Variants in ACBD6 observed in about 807,000 individuals in gnomAD.
ACBD6 encodes acyl-CoA binding domain containing 6.
ACBD6 carries 28 observed loss-of-function variants against 37.2 expected under a neutral mutation model. That is an observed-to-expected ratio of 0.75 (90% CI 0.56 to 1.03). ACBD6 has a LOEUF of 1.03. Ranked by LOEUF, ACBD6 falls within the 50% of genes least tolerant of loss-of-function variation. The pLI, the probability that ACBD6 is intolerant of heterozygous loss-of-function variation, is 0.00. For synonymous variants in ACBD6, 113 were observed against 126.8 expected (o/e 0.89, Z 0.73); for missense variants, 340 against 337.4 (o/e 1.01, Z -0.06).
intron 9 of ACBD6, chr1:180,277,730 T>C (rs1649119695): frequency 6.6e-6 from 1 of 152,320 alleles, no homozygotes; most frequent in Admixed American, 6.5e-5. Flanking sequence ...CTTTCTTGTC[T>C]CATCTGACAG....
intron 1 of ACBD6, among the ~76,000 whole-genome samples, chr1:180,496,246 G>A (rs926585106): frequency 1.3e-5 from 2 of 152,114 alleles, no homozygotes; most frequent in African/African-American, 4.8e-5. Flanking sequence ...TCACTATACA[G>A]GCCCTGATTC....
At chr1:180,391,559 T>C (rs1156311542) in intron 6 of ACBD6, among the ~76,000 whole-genome samples, 5 of 152,108 alleles carry the variant, frequency 3.3e-5, no homozygotes, top group African/African-American at 1.2e-4. Flanking sequence ...AGATGCTCAA[T>C]ATCATTAACC....
At chr1:180,434,376 C>CT (rs2102003064) in intron 3 of ACBD6, among the ~76,000 whole-genome samples, 1 of 152,298 alleles carries the variant, frequency 6.6e-6, no homozygotes, top group South Asian at 2.1e-4. Context: ...AAAGCCATCT[C>CT]TTAAAAGGGA....
chr1:180,495,597 T>C (rs994940290), intron 1 of ACBD6, 72 bp from the exon 2 acceptor site: 3 of 1,160,822 alleles, frequency 2.6e-6, no homozygotes, highest in Non-Finnish European at 3.9e-6. Flanking sequence ...TTTTCAAATG[T>C]ATTATGTATA....
At chr1:180,415,226 G>A (rs760796732) in intron 4 of ACBD6, among the ~76,000 whole-genome samples, 8 of 151,884 alleles carry the variant, frequency 5.3e-5, no homozygotes, top group Admixed American at 5.2e-4. Flanking sequence ...GTGAAACCCC[G>A]TTTCTACTAA....
At chr1:180,327,435 C>T (rs977409291) in intron 6 of ACBD6, among the ~76,000 whole-genome samples, 4 of 152,164 alleles carry the variant, frequency 2.6e-5, no homozygotes, top group Admixed American at 2.0e-4. Context: ...GTGTTTCCTA[C>T]CCTCTTCAGT....
At chr1:180,374,468 A>C (rs1041001429) in intron 6 of ACBD6, among the ~76,000 whole-genome samples, 8 of 152,254 alleles carry the variant, frequency 5.3e-5, no homozygotes, top group Admixed American at 1.3e-4. Flanking sequence ...AGAATCAAGG[A>C]TTAAGAAAAT....
At chr1:180,375,263 C>G (rs559202072) in intron 6 of ACBD6, among the ~76,000 whole-genome samples, 6 of 152,060 alleles carry the variant, frequency 3.9e-5, no homozygotes, top group Admixed American at 3.9e-4. Flanking sequence ...GTTATGAAGT[C>G]CAAAATTAAA....
intron 3 of ACBD6, among the ~76,000 whole-genome samples, chr1:180,431,785 G>C (rs966208179): frequency 1.3e-5 from 2 of 152,068 alleles, no homozygotes; most frequent in African/African-American, 4.8e-5. Flanking sequence ...AAAAAATAGA[G>C]ATAGAACCAA....
chr1:180,497,303 G>A (rs1004765400), intron 1 of ACBD6, among the ~76,000 whole-genome samples: 34 of 152,094 alleles, frequency 2.2e-4, no homozygotes, highest in African/African-American at 6.8e-4. Context: ...TCCAACTTCT[G>A]CCTAGGTTCT....
At chr1:180,377,870 C>T (rs1653493316) in intron 6 of ACBD6, among the ~76,000 whole-genome samples, 2 of 151,884 alleles carry the variant, frequency 1.3e-5, no homozygotes, top group Admixed American at 1.3e-4. Flanking sequence ...TCGCTTGAAC[C>T]CGGGAGGCGG....
chr1:180,359,373 C>T (rs1328524538), intron 6 of ACBD6, among the ~76,000 whole-genome samples: 3 of 151,796 alleles, frequency 2.0e-5, no homozygotes, highest in African/African-American at 4.8e-5. Context: ...CCCCCTCTAT[C>T]GCTATTATAC....
At chr1:180,378,489 T>A (rs1164142458) in intron 6 of ACBD6, among the ~76,000 whole-genome samples, 7 of 152,232 alleles carry the variant, frequency 4.6e-5, no homozygotes, top group African/African-American at 1.7e-4. Context: ...TTGACAGTTA[T>A]ATTATGGTTA....
At chr1:180,316,711 T>C (rs1221067072) in intron 6 of ACBD6, among the ~76,000 whole-genome samples, 2 of 152,182 alleles carry the variant, frequency 1.3e-5, no homozygotes, top group African/African-American at 4.8e-5. Context: ...CAATTTCTAA[T>C]TAATTAGTTA....
At chr1:180,274,559 A>C in intron 10 of ACBD6, 3 of 1,587,642 alleles carry the variant, frequency 1.9e-6, no homozygotes, top group Non-Finnish European at 2.6e-6. Context: ...GCTCGATGAA[A>C]TGGATCATCC....
chr1:180,307,257 A>C (rs543938402), intron 7 of ACBD6, among the ~76,000 whole-genome samples: 1 of 152,352 alleles, frequency 6.6e-6, no homozygotes, highest in South Asian at 2.1e-4. Flanking sequence ...CCAGGCACAG[A>C]AAGGCAAACT....
At chr1:180,397,663 T>C in intron 5 of ACBD6, 58 bp from the exon 6 acceptor site, 2 of 1,358,848 alleles carry the variant, frequency 1.5e-6, no homozygotes, top group South Asian at 1.2e-5. Flanking sequence ...ATGTAAAAGA[T>C]ATAATGTTTT....
intron 3 of ACBD6, among the ~76,000 whole-genome samples, chr1:180,461,433 C>T (rs1235082500): frequency 1.3e-5 from 2 of 152,016 alleles, no homozygotes; most frequent in Non-Finnish European, 2.9e-5. Context: ...AGATACCTCA[C>T]GAGAAGATCA....
intron 5 of ACBD6, among the ~76,000 whole-genome samples, chr1:180,404,453 T>A (rs191966910): frequency 2.6e-4 from 40 of 151,998 alleles, no homozygotes; most frequent in African/African-American, 9.2e-4. Flanking sequence ...GAAAAAAATA[T>A]ATATATACAT....
Sources: allele counts gnomAD v4.1 joint callset (sites outside exome capture counted in the v4.1 genomes callset), GRCh38; gene constraint gnomAD v4.1.1; transcripts MANE v1.5; gene names NCBI Gene and HGNC (gene_info 2026-07-23, HGNC 2026-07-21).